RCAN2: variants seen among roughly 807,000 people sequenced by gnomAD.
RCAN2 encodes calcipressin-2.
RCAN2 carries 9 observed loss-of-function variants against 23.6 expected under a neutral mutation model. That is an observed-to-expected ratio of 0.38 (90% CI 0.23 to 0.67). The LOEUF (loss-of-function observed/expected upper bound fraction) is 0.67, where lower values mean the gene tolerates loss of function less well. Among genes scored for constraint, RCAN2 ranks in the 30% least tolerant of loss-of-function variants. The pLI, the probability that RCAN2 is intolerant of heterozygous loss-of-function variation, is 0.51. For synonymous variants in RCAN2, 109 were observed against 115.7 expected, an observed-to-expected ratio of 0.94 and a Z score of 0.37; for missense variants, 273 against 302.3, an observed-to-expected ratio of 0.90 and a Z score of 0.72.
At chr6:46,469,394 A>C (rs112377964) in intron 1 of RCAN2, among the ~76,000 whole-genome samples, 2 of 152,186 alleles carry the variant, frequency 1.3e-5, no homozygotes, top group Admixed American at 6.5e-5. Context: ...CCAGTTCACC[A>C]CATCCCTCAC....
At chr6:46,315,362 GT>G (rs1763398531) in intron 2 of RCAN2, among the ~76,000 whole-genome samples, 1 of 152,178 alleles carries the variant, frequency 6.6e-6, no homozygotes, top group Non-Finnish European at 1.5e-5. Flanking sequence ...TCTTGTGATT[GT>G]GTTGAAAGAC....
chr6:46,246,969 G>A (rs938368311), intron 3 of RCAN2, 50 bp from the exon 4 acceptor site: 1 of 1,420,606 alleles, frequency 7.0e-7, no homozygotes, highest in Non-Finnish European at 9.4e-7. Context: ...GGCTTCAGAT[G>A]TGTCATGTTG....
At chr6:46,233,717 ACTTCTTT>A (rs1160422095) in intron 4 of RCAN2, among the ~76,000 whole-genome samples, 64 of 125,476 alleles carry the variant, frequency 5.1e-4, no homozygotes, top group Non-Finnish European at 6.8e-4. Context: ...GATGAAGAAC[ACTTCTTT>A]TTTTTTTTTT....
rs1319262619 is a variant in RCAN2, at chr6:46,491,277, C to G, written c.-107G>C. The G allele has an allele frequency of 6.6e-6, 1 of 151,058 alleles. No homozygotes were observed. Among genetic ancestry groups the G allele is most frequent in the Non-Finnish European group, 1.5e-5 (1 of 67,650 alleles). 9.4% of individuals were successfully genotyped at this position (151,058 alleles called of 1,614,324 possible). A position where few individuals can be genotyped will look rare whatever the true frequency, so the allele number is the denominator to read the frequency against. On this transcript the variant is annotated 5_prime_UTR_variant, in exon 1 of 5. Transcript: ENST00000371374. ...GCGCGGCGCTGCCTGCTCACCTGCC[C>G]GCCGGTGCGAGCGCGTGGGGGCGGC... is the stretch of plus-strand genomic sequence containing the variant.
rs191574145 is a variant in RCAN2 at position 46,422,241 on chromosome 6, C to T, written c.225+34511G>A. ...TGTAAAAAAGAGCCTGGCACCTCCC[C>T]GGCCCAGCCCTCTCTGGCCTCCTTT... On this transcript the variant is annotated intron_variant, in intron 2 of 4. Transcript: ENST00000371374. Among the ~76,000 whole-genome samples, 276 of 152,252 alleles carry T rather than the reference C, an allele frequency of 1.8e-3. 1 individual carries two copies. Among genetic ancestry groups the T allele is most frequent in the Middle Eastern group, 3.4e-3 (1 of 294 alleles).
intron 2 of RCAN2, chr6:46,325,305 A>G: frequency 6.9e-7 from 1 of 1,456,786 alleles, no homozygotes; most frequent in South Asian, 1.3e-5. Flanking sequence ...AAAACTATTA[A>G]CCAAAGTCTT....
At chr6:46,241,590 G>C (rs1011823823) in intron 4 of RCAN2, among the ~76,000 whole-genome samples, 1 of 152,182 alleles carries the variant, frequency 6.6e-6, no homozygotes, top group Non-Finnish European at 1.5e-5. Context: ...GGCATAAGTT[G>C]TTTTGTATTC....
chr6:46,315,383 T>G (rs960619789), intron 2 of RCAN2, among the ~76,000 whole-genome samples: 7 of 151,964 alleles, frequency 4.6e-5, no homozygotes, highest in Admixed American at 1.3e-4. Flanking sequence ...CAAGGCAGGA[T>G]GAGGGGTGGA....
chr6:46,378,165 T>A (rs2150392285), intron 2 of RCAN2, among the ~76,000 whole-genome samples: 2 of 152,324 alleles, frequency 1.3e-5, no homozygotes, highest in South Asian at 4.1e-4. Flanking sequence ...GAGACTTGCC[T>A]CACAGATGCC....
chr6:46,322,483 C>A (rs1763650005), intron 2 of RCAN2, among the ~76,000 whole-genome samples: 1 of 152,210 alleles, frequency 6.6e-6, no homozygotes, highest in Non-Finnish European at 1.5e-5. Flanking sequence ...GCCCCTAATA[C>A]AATCAGCTGA....
At chr6:46,393,075 C>T (rs1321402071) in intron 2 of RCAN2, among the ~76,000 whole-genome samples, 2 of 152,100 alleles carry the variant, frequency 1.3e-5, no homozygotes, top group Non-Finnish European at 2.9e-5. Context: ...CTAATATTGG[C>T]CTTACTTTTA....
chr6:46,346,369 G>A (rs539641318), intron 2 of RCAN2, among the ~76,000 whole-genome samples: 2 of 152,004 alleles, frequency 1.3e-5, no homozygotes, highest in Non-Finnish European at 2.9e-5. Context: ...TTTTATAAGG[G>A]CAGCATAATC....
At chr6:46,353,342 T>G (rs1490337578) in intron 2 of RCAN2, among the ~76,000 whole-genome samples, 1 of 152,088 alleles carries the variant, frequency 6.6e-6, no homozygotes, top group Non-Finnish European at 1.5e-5. Context: ...TGGGTTTTGC[T>G]TTTTGGGTGT....
chr6:46,466,368 C>T (rs1266776825), intron 1 of RCAN2, among the ~76,000 whole-genome samples: 2 of 152,248 alleles, frequency 1.3e-5, no homozygotes, highest in East Asian at 3.9e-4. Flanking sequence ...GAGAAAAATA[C>T]AGCTAAGAAG....
chr6:46,374,467 T>C (rs1266046884), intron 2 of RCAN2, among the ~76,000 whole-genome samples: 1 of 152,204 alleles, frequency 6.6e-6, no homozygotes, highest in East Asian at 1.9e-4. Flanking sequence ...CCACAGAACG[T>C]AGTATAATTA....
intron 4 of RCAN2, among the ~76,000 whole-genome samples, chr6:46,225,931 A>C (rs1765648504): frequency 1.3e-5 from 2 of 152,232 alleles, no homozygotes; most frequent in Non-Finnish European, 2.9e-5. Context: ...CTAACATTTA[A>C]GTCTTTAATC....
intron 2 of RCAN2, among the ~76,000 whole-genome samples, chr6:46,365,839 T>G (rs1240685872): frequency 1.3e-5 from 2 of 152,220 alleles, no homozygotes; most frequent in African/African-American, 2.4e-5. Context: ...TAGGACAGGC[T>G]ATATATAACG....
chr6:46,233,016 T>A (rs78033499), intron 4 of RCAN2, among the ~76,000 whole-genome samples: 47 of 152,194 alleles, frequency 3.1e-4, no homozygotes, highest in African/African-American at 1.1e-3. Flanking sequence ...ACATATTTTT[T>A]TGCTGGAAAA....
chr6:46,334,345 G>A (rs1254155596), intron 2 of RCAN2, among the ~76,000 whole-genome samples: 1 of 152,170 alleles, frequency 6.6e-6, no homozygotes. Flanking sequence ...CAAACAACAA[G>A]GCCTGCCATG....
Sources: allele counts gnomAD v4.1 joint callset (sites outside exome capture counted in the v4.1 genomes callset), GRCh38; gene constraint gnomAD v4.1.1; transcripts MANE v1.5; gene names NCBI Gene and HGNC (gene_info 2026-07-23, HGNC 2026-07-21).